LINGO1: variants seen among roughly 807,000 people sequenced by gnomAD.
LINGO1 encodes leucine rich repeat and Ig domain containing 1.
In LINGO1, 11 loss-of-function variants were observed where a neutral mutation model predicts 37.3. That is an observed-to-expected ratio of 0.29 (90% CI 0.19 to 0.49). The LOEUF is 0.49. Ranked by LOEUF, LINGO1 falls within the 20% of genes least tolerant of loss-of-function variation. The probability of loss-of-function intolerance (pLI) is 0.99; values close to 1 mark genes in which losing one functional copy is unlikely to be tolerated. For missense variants in LINGO1, 585 were observed against 878.2 expected, an observed-to-expected ratio of 0.67 and a Z score of 4.22; for synonymous variants, 387 against 403.0, an observed-to-expected ratio of 0.96 and a Z score of 0.48.
intron 2 of LINGO1, among the ~76,000 whole-genome samples, chr15:77,792,992 A>G (rs2141447855): frequency 6.6e-6 from 1 of 152,306 alleles, no homozygotes; most frequent in East Asian, 1.9e-4. Context: ...AGCTCTACCC[A>G]GAGGTCAGGG....
chr15:77,668,889 C>T (rs530058674), intron 3 of LINGO1, among the ~76,000 whole-genome samples: 183 of 151,360 alleles, frequency 1.2e-3, no homozygotes, highest in Non-Finnish European at 2.0e-3. Flanking sequence ...GGAACCTCTC[C>T]CTGTTGAGAA....
intron 1 of LINGO1, among the ~76,000 whole-genome samples, chr15:77,628,601 G>A (rs536009265): frequency 2.0e-5 from 3 of 152,208 alleles, no homozygotes; most frequent in Admixed American, 6.5e-5. Flanking sequence ...GCAACGGGAC[G>A]GGGTGTGCAG....
chr15:77,709,438 G>A (rs1371646207), intron 2 of LINGO1, among the ~76,000 whole-genome samples: 3 of 152,252 alleles, frequency 2.0e-5, no homozygotes, highest in South Asian at 2.1e-4. Context: ...CCAAGAACCT[G>A]CTCAAGAGCA....
intron 2 of LINGO1, among the ~76,000 whole-genome samples, chr15:77,716,484 C>T (rs2141302590): frequency 6.7e-6 from 1 of 149,492 alleles, no homozygotes; most frequent in East Asian, 2.1e-4. Context: ...CAAGAGTCAT[C>T]CTAGGTGTAT....
intron 1 of LINGO1, among the ~76,000 whole-genome samples, chr15:77,798,198 G>A (rs2141457901): frequency 6.6e-6 from 1 of 152,332 alleles, no homozygotes; most frequent in Middle Eastern, 3.4e-3. Context: ...CACAGGGGTA[G>A]CAGAGCCTGG....
intron 1 of LINGO1, among the ~76,000 whole-genome samples, chr15:77,759,289 A>C (rs889256990): frequency 4.6e-5 from 7 of 152,202 alleles, no homozygotes; most frequent in African/African-American, 1.2e-4. Flanking sequence ...CTTGGGCCTG[A>C]GAGTGAACTG....
At chr15:77,652,905 A>G (rs1367358492) in intron 3 of LINGO1, among the ~76,000 whole-genome samples, 2 of 151,986 alleles carry the variant, frequency 1.3e-5, no homozygotes, top group Non-Finnish European at 2.9e-5. Flanking sequence ...ACTGTGAGCT[A>G]TTGCCGGGGA....
At chr15:77,616,341 G>A (rs1024515674) in intron 1 of LINGO1, among the ~76,000 whole-genome samples, 11 of 152,164 alleles carry the variant, frequency 7.2e-5, no homozygotes, top group Non-Finnish European at 1.3e-4. Flanking sequence ...AGGCCTCTAG[G>A]AACAGCCCCC....
At chr15:77,760,527 G>A (rs889577631) in intron 1 of LINGO1, among the ~76,000 whole-genome samples, 2 of 152,216 alleles carry the variant, frequency 1.3e-5, no homozygotes, top group Non-Finnish European at 2.9e-5. Context: ...GCCACACAGG[G>A]CCTGCATTTA....
At chr15:77,679,334 C>A (rs1174455679) in intron 2 of LINGO1, among the ~76,000 whole-genome samples, 1 of 152,136 alleles carries the variant, frequency 6.6e-6, no homozygotes, top group African/African-American at 2.4e-5. Context: ...ATTTACTTTC[C>A]ATCTCTTCCA....
chr15:77,734,818 CT>C (rs1270129886), intron 2 of LINGO1, among the ~76,000 whole-genome samples: 4 of 152,122 alleles, frequency 2.6e-5, no homozygotes, highest in African/African-American at 9.7e-5. Context: ...TTCCCACCCC[CT>C]ACCTCGCCCA....
chr15:77,782,647 GC>G (rs2076731704), intron 1 of LINGO1, among the ~76,000 whole-genome samples: 1 of 151,158 alleles, frequency 6.6e-6, no homozygotes, highest in Admixed American at 6.6e-5. Context: ...AATTGAACCC[GC>G]CCCGACCAGG....
upstream of LINGO1, among the ~76,000 whole-genome samples, chr15:77,698,241 T>A (rs555159467): frequency 3.3e-5 from 5 of 152,294 alleles, no homozygotes; most frequent in East Asian, 5.8e-4. Context: ...ACGCCTTCTG[T>A]CCAAACAGCA....
At chr15:77,746,335 T>G (rs542203903) in intron 1 of LINGO1, among the ~76,000 whole-genome samples, 2 of 152,150 alleles carry the variant, frequency 1.3e-5, no homozygotes, top group South Asian at 4.2e-4. Context: ...GGGACCTCCC[T>G]CACTTTGTTC....
Position 77,716,968 on chromosome 15 carries a change from G to A in LINGO1, c.-195+18024C>T, listed in dbSNP as rs889248746. Among the ~76,000 whole-genome samples, 20 of 150,340 alleles carry A rather than the reference G, an allele frequency of 1.3e-4. 2 individuals are homozygous for A. Among genetic ancestry groups the A allele is most frequent in the Admixed American group, 3.3e-4 (5 of 15,004 alleles). ...TATTCTCACTTGCATTTAGCAGGAC[G>A]TAGATAAAAAGAGAAGAGAAAACAA... On this transcript the variant is annotated intron_variant, in intron 2 of 3. Transcript: ENST00000561686.
chr15:77,797,088 A>G (rs897506222), intron 1 of LINGO1, among the ~76,000 whole-genome samples: 1 of 152,060 alleles, frequency 6.6e-6, no homozygotes, highest in African/African-American at 2.4e-5. Flanking sequence ...GGGCGCTAGG[A>G]AGTTCTGGTT....
At position 77,783,444 on chromosome 15, in the gene LINGO1, A is replaced by G. The variant is rs553447293; in HGVS notation, c.-257+3425T>C. 9.9e-5 allele frequency among the ~76,000 whole-genome samples: 15 copies of G among 152,278 alleles called. No individual in the cohort carries two copies. The South Asian group carries it at 2.9e-3, about 29-fold the overall frequency. ...CAAAGTCTCCTGCCCCTACCTTGGTAGGGCCTCAGCACCTCTTCTGCTCAG... is the reference window on the plus strand; with the variant it reads ...CAAAGTCTCCTGCCCCTACCTTGGTGGGGCCTCAGCACCTCTTCTGCTCAG... On this transcript the variant is annotated intron_variant, in intron 1 of 3. Transcript: ENST00000561686.
chr15:77,614,434 G>T lies in LINGO1; in HGVS notation c.1473C>A (p.Asp491Glu). The stretch of plus-strand genomic sequence containing the variant: ...CCGCGATGCACAGGTACGTGCCGTT[G>T]TCCTGTACCTGGGCGTAGCGCACCT... ...TLEVRYAQVQ[D>E]NGTYLCIAAN... Residue 491 changes from aspartate (D) to glutamate (E), a missense_variant, in exon 2 of 2, where the codon GAC becomes GAA. Asp to Glu is a conservative substitution (Grantham distance 45). Transcript: ENST00000355300. 1 of 1,611,948 alleles carries T rather than the reference G, an allele frequency of 6.2e-7. No homozygotes were observed.
Position 77,613,949 on chromosome 15 carries a change from A to C in LINGO1, c.*95T>G. ...AGAAAGAGAACGTGTGTAGAAGGGT[A>C]GGGAGGAGGTGGGAAGGACTGGAGA... On this transcript the variant is annotated 3_prime_UTR_variant, in exon 2 of 2. Coordinates refer to ENST00000355300, the MANE Select transcript of LINGO1 (RefSeq NM_032808.7). The C allele has an allele frequency of 5.1e-6, 5 of 983,024 alleles. No individual in the cohort carries two copies. Among genetic ancestry groups the C allele is most frequent in the South Asian group, 1.6e-5 (1 of 62,372 alleles). 60.9% of individuals were successfully genotyped at this position (983,024 alleles called of 1,614,324 possible). A position where few individuals can be genotyped will look rare whatever the true frequency, so the allele number is the denominator to read the frequency against.
Sources: gnomAD v4.1 joint callset for allele counts (sites outside exome capture counted in the v4.1 genomes callset) on GRCh38, gnomAD v4.1.1 for gene constraint, MANE v1.5 for transcripts, NCBI Gene and HGNC (gene_info 2026-07-23, HGNC 2026-07-21) for gene names.